MTR: variants seen among roughly 807,000 people sequenced by gnomAD.
The protein encoded by MTR is 5-methyltetrahydrofolate-homocysteine methyltransferase.
In MTR, 84 loss-of-function variants were observed where a neutral mutation model predicts 154.8. That is an observed-to-expected ratio of 0.54 (90% CI 0.45 to 0.65). MTR has a LOEUF of 0.65. Among genes scored for constraint, MTR ranks in the 30% least tolerant of loss-of-function variants. The pLI is 0.00. For missense variants in MTR, 1,275 were observed against 1,570.2 expected, an observed-to-expected ratio of 0.81 and a Z score of 3.18; for synonymous variants, 554 against 553.9, an observed-to-expected ratio of 1.00 and a Z score of 0.00.
chr1:236,841,754 G>A (rs981126097), intron 15 of MTR, among the ~76,000 whole-genome samples: 4 of 152,008 alleles, frequency 2.6e-5, no homozygotes, highest in South Asian at 2.1e-4. Context: ...GAAAATGGCC[G>A]TATTCTACTT....
intron 9 of MTR, among the ~76,000 whole-genome samples, 171 bp from the exon 10 acceptor site, chr1:236,825,166 TG>T (rs986379719): frequency 1.3e-5 from 2 of 150,794 alleles, no homozygotes; most frequent in African/African-American, 4.9e-5. Context: ...TTTAGTTTTT[TG>T]GGGGGTGTGG....
chr1:236,889,433 T>G (rs779804342), intron 28 of MTR, 97 bp downstream of exon 28: 22 of 1,538,184 alleles, frequency 1.4e-5, no homozygotes, highest in Admixed American at 5.0e-5. Flanking sequence ...GGATTTGGAT[T>G]GTGCAGATTA....
chr1:236,812,430 G>T (rs1237686460), intron 5 of MTR, among the ~76,000 whole-genome samples: 1 of 152,220 alleles, frequency 6.6e-6, no homozygotes, highest in African/African-American at 2.4e-5. Flanking sequence ...AGAATGATAT[G>T]TTTCAGAGAT....
intron 14 of MTR, among the ~76,000 whole-genome samples, chr1:236,836,620 T>C (rs1377063045): frequency 6.6e-6 from 1 of 152,206 alleles, no homozygotes; most frequent in Non-Finnish European, 1.5e-5. Flanking sequence ...CTCTTGGTTT[T>C]TTTATTAGGC....
chr1:236,820,349 C>A (rs1447814583), intron 8 of MTR: 4 of 760,374 alleles, frequency 5.3e-6, no homozygotes, highest in South Asian at 4.0e-5. Flanking sequence ...CCCGAGTTCA[C>A]TGCTACTCGG....
At position 236,808,761 on chromosome 1, in the gene MTR, A is replaced by G. The variant is rs1225983206; in HGVS notation, c.397A>G (p.Thr133Ala). 2 of 1,614,008 alleles carry G rather than the reference A, an allele frequency of 1.2e-6. No homozygotes were observed. Among genetic ancestry groups the G allele is most frequent in the Non-Finnish European group, 1.7e-6 (2 of 1,179,972 alleles). ...GGCCAGAAAAGCTGCCGAGGAGGTA[A>G]CTCTCCAGACAGGTAGGGAATGTTC... The part of the protein sequence containing the change: ...GVARKAAEEV[T>A]LQTGIKRFVA... Residue 133 changes from threonine to alanine, a missense_variant, in exon 4 of 33, where the codon ACT becomes GCT. Thr to Ala is a moderately conservative substitution (Grantham distance 58, BLOSUM62 0). Coordinates refer to ENST00000366577, the MANE Select transcript of MTR (RefSeq NM_000254.3).
chr1:236,820,094 C>A, intron 8 of MTR: 1 of 770,922 alleles, frequency 1.3e-6, no homozygotes, highest in Non-Finnish European at 2.4e-6. Flanking sequence ...ACAGATTCCC[C>A]TCTGCGCTAT....
Position 236,894,926 on chromosome 1 carries a change from G to T in MTR, c.3405+369G>T, listed in dbSNP as rs1394513316. Reference sequence around the variant, plus strand: ...CAGAGCCCCTCGTTGTAATGCTGGTGTCATCTATAGATTCTTCATCTTCCT... The same window carrying T: ...CAGAGCCCCTCGTTGTAATGCTGGTTTCATCTATAGATTCTTCATCTTCCT... On this transcript the variant is annotated intron_variant, in intron 30 of 32. Coordinates refer to ENST00000366577, the MANE Select transcript of MTR (RefSeq NM_000254.3). 2 of 356,430 alleles carry T rather than the reference G, an allele frequency of 5.6e-6. 1 individual carries two copies. The highest frequency in any genetic ancestry group is 1.8e-3 in the Middle Eastern group (2 of 1,120). 22.1% of individuals were successfully genotyped at this position (356,430 alleles called of 1,614,324 possible).
At chr1:236,848,395 C>T (rs539277421) in intron 15 of MTR, among the ~76,000 whole-genome samples, 9 of 152,240 alleles carry the variant, frequency 5.9e-5, no homozygotes, top group South Asian at 4.2e-4. Flanking sequence ...TAGCATTGGT[C>T]GCCCCTGTGC....
chr1:236,825,239 A>G (rs1218467408), intron 9 of MTR, 99 bp from the exon 10 acceptor site: 1 of 751,292 alleles, frequency 1.3e-6, no homozygotes, highest in Non-Finnish European at 2.1e-6. Context: ...ACCATTTAAT[A>G]TAAATATAAA....
At chr1:236,870,822 T>C (rs1665084692) in intron 22 of MTR, among the ~76,000 whole-genome samples, 1 of 152,204 alleles carries the variant, frequency 6.6e-6, no homozygotes, top group Non-Finnish European at 1.5e-5. Flanking sequence ...CTCTCCCCTA[T>C]TTCAAGAAAT....
chr1:236,796,449 C>A (rs1469583468), intron 1 of MTR, among the ~76,000 whole-genome samples: 1 of 152,164 alleles, frequency 6.6e-6, no homozygotes, highest in Non-Finnish European at 1.5e-5. Context: ...GACAAATACA[C>A]CCGTAAAAAC....
rs1459148876 is a variant in MTR at position 236,894,414 on chromosome 1, C to T, written c.3262C>T (p.Pro1088Ser). ...PYYCLSDFIA[P>S]LHSGIRDYLG... is the part of the protein sequence containing the mutation. Reference sequence around the variant, plus strand: ...CTACTGCCTCTCAGACTTCATCGCTCCCTTGCATTCTGGCATCCGTGACTA... The same window carrying T: ...CTACTGCCTCTCAGACTTCATCGCTTCCTTGCATTCTGGCATCCGTGACTA... Residue 1088 changes from proline to serine, a missense_variant, in exon 30 of 33, where the codon CCC (proline) becomes TCC (serine). Transcript: ENST00000366577. The T allele has an allele frequency of 1.2e-6, 2 of 1,614,216 alleles. No individual in the cohort carries two copies. The highest frequency in any genetic ancestry group is 1.7e-6 in the Non-Finnish European group (2 of 1,180,030).
intron 18 of MTR, among the ~76,000 whole-genome samples, chr1:236,853,982 A>C (rs1032881828): frequency 6.6e-6 from 1 of 152,230 alleles, no homozygotes; most frequent in Non-Finnish European, 1.5e-5. Flanking sequence ...TAAGAGAATG[A>C]TGGCAAAGGA....
intron 22 of MTR, among the ~76,000 whole-genome samples, chr1:236,869,927 T>C (rs755213144): frequency 6.6e-6 from 1 of 152,262 alleles, no homozygotes; most frequent in Non-Finnish European, 1.5e-5. Flanking sequence ...CCTAGGATGC[T>C]TCTGGTTGTC....
intron 15 of MTR, among the ~76,000 whole-genome samples, chr1:236,843,122 C>T (rs545123387): frequency 6.7e-6 from 1 of 150,326 alleles, no homozygotes; most frequent in South Asian, 2.1e-4. Flanking sequence ...TGTATATACA[C>T]ACGTTGAATG....
chr1:236,884,208 C>T (rs1244746801), intron 25 of MTR, among the ~76,000 whole-genome samples: 1 of 152,172 alleles, frequency 6.6e-6, no homozygotes, highest in Non-Finnish European at 1.5e-5. Context: ...AGTGAGAATG[C>T]ACCTCCAGAC....
At chr1:236,856,804 A>AAC (rs1664234512) in intron 18 of MTR, among the ~76,000 whole-genome samples, 5 of 151,940 alleles carry the variant, frequency 3.3e-5, no homozygotes, top group Non-Finnish European at 7.4e-5. Flanking sequence ...TTCCTGTGTT[A>AAC]GTTTGTTGAG....
chr1:236,837,793 C>G (rs537246360), intron 14 of MTR, among the ~76,000 whole-genome samples: 7 of 152,194 alleles, frequency 4.6e-5, no homozygotes, highest in Non-Finnish European at 8.8e-5. Context: ...TTGTATCAAT[C>G]TAATTCTTCA....
Sources: gnomAD v4.1 joint callset for allele counts (sites outside exome capture counted in the v4.1 genomes callset) on GRCh38, gnomAD v4.1.1 for gene constraint, MANE v1.5 for transcripts, NCBI Gene and HGNC (gene_info 2026-07-23, HGNC 2026-07-21) for gene names.